The following BCAS3 variants were observed in gnomAD, a reference collection of about 807,000 sequenced individuals.
BCAS3 encodes BCAS3 microtubule associated cell migration factor.
A neutral mutation model predicts 116.1 loss-of-function variants in BCAS3; 53 were observed. That is an observed-to-expected ratio of 0.46 (90% CI 0.37 to 0.57). The LOEUF (loss-of-function observed/expected upper bound fraction) is 0.57, where lower values mean the gene tolerates loss of function less well. Among genes scored for constraint, BCAS3 ranks in the 20% least tolerant of loss-of-function variants. The pLI, the probability that BCAS3 is intolerant of heterozygous loss-of-function variation, is 0.00. For missense variants in BCAS3, 917 were observed against 1,165.4 expected (o/e 0.79, Z 3.10); for synonymous variants, 391 against 408.2 (o/e 0.96, Z 0.51).
intron 5 of BCAS3, chr17:60,727,195 C>T: frequency 1.1e-6 from 1 of 899,696 alleles, no homozygotes; most frequent in Non-Finnish European, 1.8e-6. Context: ...CCTTTCTCTT[C>T]TTATCTCCTC....
chr17:60,968,597 G>A (rs2061785062), intron 14 of BCAS3, among the ~76,000 whole-genome samples: 1 of 151,936 alleles, frequency 6.6e-6, no homozygotes, highest in East Asian at 1.9e-4. Flanking sequence ...GGTACCTAAA[G>A]CCCAGGTTCA....
At chr17:60,708,841 T>C (rs2037506191) in intron 4 of BCAS3, among the ~76,000 whole-genome samples, 1 of 152,160 alleles carries the variant, frequency 6.6e-6, no homozygotes, top group Non-Finnish European at 1.5e-5. Context: ...TTATTTGAAA[T>C]AGAGACAGGA....
intron 6 of BCAS3, among the ~76,000 whole-genome samples, chr17:60,795,402 C>G (rs1345413691): frequency 3.9e-5 from 6 of 152,124 alleles, no homozygotes; most frequent in Admixed American, 3.9e-4. Context: ...TTTGGATGCT[C>G]TTTATTTTTT....
rs914181342 is a variant in BCAS3, at chr17:61,323,971, C to T, written c.2426-44356C>T. ...TCATTGTCAAAGGTTGGGCGGGAGA[C>T]GAGGTAAGAACTGTTAGTGTCTGTG... On this transcript the variant is annotated intron_variant, in intron 22 of 23. Coordinates refer to ENST00000407086, the MANE Select transcript of BCAS3 (RefSeq NM_017679.5). This position sits in a 1 kb window ranked among gnomAD's most constrained non-coding sequence, Gnocchi z 4.6. Among the ~76,000 whole-genome samples, 8 of 152,322 alleles carry T rather than the reference C, an allele frequency of 5.3e-5. No individual in the cohort carries two copies. Among genetic ancestry groups the T allele is most frequent in the East Asian group, 1.9e-4 (1 of 5,192 alleles).
intron 14 of BCAS3, among the ~76,000 whole-genome samples, chr17:60,958,416 A>G (rs544643641): frequency 1.5e-3 from 235 of 152,348 alleles, no homozygotes; most frequent in African/African-American, 4.0e-3. Context: ...CAATATACAA[A>G]AATCAGTTGC....
intron 13 of BCAS3, among the ~76,000 whole-genome samples, chr17:60,936,028 GC>G (rs1156296347): frequency 6.8e-6 from 1 of 147,642 alleles, no homozygotes; most frequent in Non-Finnish European, 1.5e-5. Context: ...CCCACAACAG[GC>G]CCTGGTGTGT....
intron 19 of BCAS3, among the ~76,000 whole-genome samples, chr17:61,049,059 G>A (rs1024692157): frequency 1.3e-5 from 2 of 152,002 alleles, no homozygotes; most frequent in African/African-American, 2.4e-5. Context: ...AGCACTTTGG[G>A]ATGCCAAAGT....
At position 61,285,238 on chromosome 17, in the gene BCAS3, T is replaced by TGC. The variant is rs2051645469; in HGVS notation, c.2426-83088_2426-83087insCG. Among the ~76,000 whole-genome samples the TGC allele has an allele frequency of 6.6e-6, 1 of 151,884 alleles. No homozygotes were observed. Among genetic ancestry groups the TGC allele is most frequent in the Non-Finnish European group, 1.5e-5 (1 of 67,962 alleles). ...TTTTCCCCTCCTCCTAGGTTGTGTG[T>TGC]GTGTGTGTGTGTGTGTGTGTTTCTT... On this transcript the variant is annotated intron_variant, in intron 22 of 23. Transcript: ENST00000407086. The surrounding 1 kb of genome is among the most constrained non-coding windows in gnomAD (Gnocchi z 5.4).
chr17:61,150,407 G>A (rs1298490307), intron 22 of BCAS3, among the ~76,000 whole-genome samples: 1 of 152,170 alleles, frequency 6.6e-6, no homozygotes, highest in African/African-American at 2.4e-5. Context: ...GTGGTCATTT[G>A]AATAGGTAAG....
intron 22 of BCAS3, among the ~76,000 whole-genome samples, chr17:61,175,605 T>C (rs1450020017): frequency 1.3e-5 from 2 of 152,242 alleles, no homozygotes. Context: ...GATTATATGA[T>C]AGCTCTATTT....
At position 61,349,459 on chromosome 17, in the gene BCAS3, TAGATTATTGGTCCAGTGGAAATTCTGCAC is replaced by T. The variant is rs1306620658; in HGVS notation, c.2426-18867_2426-18839del. On this transcript the variant is annotated intron_variant, in intron 22 of 23. Coordinates refer to ENST00000407086, the MANE Select transcript of BCAS3 (RefSeq NM_017679.5). This position sits in a 1 kb window ranked among gnomAD's most constrained non-coding sequence, Gnocchi z 4.7. ...ACAACTGAGTGGGAAATTCTGCACT[TAGATTATTGGTCCAGTGGAAATTCTGCAC>T]TTAGATTATTGGTCCAGCTCTGCTT... 2.0e-5 allele frequency among the ~76,000 whole-genome samples: 3 copies of T among 147,950 alleles called. No individual in the cohort carries two copies. Among genetic ancestry groups the T allele is most frequent in the African/African-American group, 4.9e-5 (2 of 41,202 alleles).
At chr17:61,310,370 A>C (rs923463767) in intron 22 of BCAS3, among the ~76,000 whole-genome samples, 1 of 152,134 alleles carries the variant, frequency 6.6e-6, no homozygotes, top group Admixed American at 6.5e-5. Flanking sequence ...CCTGGCCAAC[A>C]TGGAGAAACC....
At position 61,213,088 on chromosome 17, in the gene BCAS3, A is replaced by G. The variant is rs2081565313; in HGVS notation, c.2425+128524A>G. On this transcript the variant is annotated intron_variant, in intron 22 of 23. Coordinates refer to ENST00000407086, the MANE Select transcript of BCAS3 (RefSeq NM_017679.5). This position sits in a 1 kb window ranked among gnomAD's most constrained non-coding sequence, Gnocchi z 5.4. ...TCACACTTTTTCTGTATTCCTCAGAACCAAGCACACTATTTAGCATGTAGG... is the reference window on the plus strand; with the variant it reads ...TCACACTTTTTCTGTATTCCTCAGAGCCAAGCACACTATTTAGCATGTAGG... Among the ~76,000 whole-genome samples, 1 of 152,140 alleles carries G rather than the reference A, an allele frequency of 6.6e-6. No homozygotes were observed. The highest frequency in any genetic ancestry group is 1.5e-5 in the Non-Finnish European group (1 of 68,028).
rs1444468578 is a variant in BCAS3, at chr17:61,228,670, C to G, written c.2426-139657C>G. 1.3e-5 allele frequency among the ~76,000 whole-genome samples: 2 copies of G among 152,148 alleles called. No individual in the cohort carries two copies. The highest frequency in any genetic ancestry group is 3.9e-4 in the East Asian group (2 of 5,186). The stretch of plus-strand genomic sequence containing the variant: ...TTTGGGGGCACCCTCAAGCTATGCC[C>G]ATGTAAAACAGCAAACTTAATAAAT... On this transcript the variant is annotated intron_variant, in intron 22 of 23. Transcript: ENST00000407086. This position sits in a 1 kb window ranked among gnomAD's most constrained non-coding sequence, Gnocchi z 5.0.
At chr17:60,684,881 A>G (rs898064022) in intron 3 of BCAS3, among the ~76,000 whole-genome samples, 1 of 152,156 alleles carries the variant, frequency 6.6e-6, no homozygotes, top group Non-Finnish European at 1.5e-5. Flanking sequence ...GGATCCTAGA[A>G]AACACAGTGC....
intron 7 of BCAS3, among the ~76,000 whole-genome samples, chr17:60,854,360 C>T (rs997104212): frequency 6.6e-5 from 10 of 152,194 alleles, no homozygotes; most frequent in Non-Finnish European, 1.3e-4. Flanking sequence ...AATGAACATA[C>T]GTGTGCATGT....
intron 19 of BCAS3, among the ~76,000 whole-genome samples, chr17:61,071,793 G>T (rs1187446317): frequency 1.3e-5 from 2 of 152,058 alleles, no homozygotes; most frequent in East Asian, 1.9e-4. Flanking sequence ...GCCAATTAAT[G>T]ATTAATTTAT....
intron 4 of BCAS3, among the ~76,000 whole-genome samples, chr17:60,698,505 G>T (rs567398380): frequency 1.3e-5 from 2 of 152,094 alleles, no homozygotes; most frequent in South Asian, 2.1e-4. Flanking sequence ...AATAATAAAA[G>T]AAATCTGCTG....
chr17:60,942,098 T>G (rs2060252687), intron 13 of BCAS3, among the ~76,000 whole-genome samples: 1 of 152,124 alleles, frequency 6.6e-6, no homozygotes, highest in African/African-American at 2.4e-5. Context: ...TGTCTACAAA[T>G]GGACAACAAA....
Sources: allele counts gnomAD v4.1 joint callset (sites outside exome capture counted in the v4.1 genomes callset), GRCh38; gene constraint gnomAD v4.1.1; non-coding constraint Gnocchi (gnomAD v3.1); transcripts MANE v1.5; gene names NCBI Gene and HGNC (gene_info 2026-07-23, HGNC 2026-07-21).